PALS2: variants seen among roughly 807,000 people sequenced by gnomAD.
The protein encoded by PALS2 is protein associated with LIN7 2, MAGUK p55 family member.
Under a neutral mutation model 61.6 loss-of-function variants are expected in PALS2, and 27 were observed. The ratio of observed to expected loss-of-function variants is 0.44; its 90% CI spans 0.32 to 0.60. The LOEUF is 0.60. Among genes scored for constraint, PALS2 ranks in the 20% least tolerant of loss-of-function variants. The pLI is 0.05. For synonymous variants in PALS2, 236 were observed against 218.6 expected (o/e 1.08, Z -0.70); for missense variants, 554 against 639.4 (o/e 0.87, Z 1.44).
chr7:24,674,054 GA>G (rs1787439801), intron 9 of PALS2, among the ~76,000 whole-genome samples: 1 of 151,976 alleles, frequency 6.6e-6, no homozygotes, highest in African/African-American at 2.4e-5. Context: ...GATGGCTACA[GA>G]GACTTTAAAA....
At chr7:24,584,221 C>A (rs1782965706) in intron 1 of PALS2, among the ~76,000 whole-genome samples, 1 of 131,090 alleles carries the variant, frequency 7.6e-6, no homozygotes, top group African/African-American at 2.9e-5. Context: ...GTTCTAGATC[C>A]CTGAGGAATC....
At chr7:24,589,585 A>G (rs1004356823) in intron 1 of PALS2, among the ~76,000 whole-genome samples, 5 of 152,186 alleles carry the variant, frequency 3.3e-5, no homozygotes, top group African/African-American at 1.2e-4. Context: ...AGGGCAGTCA[A>G]ATGCATTTCT....
intron 1 of PALS2, among the ~76,000 whole-genome samples, chr7:24,587,139 A>T (rs1025114559): frequency 8.6e-5 from 13 of 151,826 alleles, no homozygotes; most frequent in Admixed American, 2.0e-4. Context: ...ATACTAAAGG[A>T]TGGAAAAGTT....
chr7:24,680,023 G>A (rs1787835241), intron 10 of PALS2, among the ~76,000 whole-genome samples: 1 of 151,938 alleles, frequency 6.6e-6, no homozygotes, highest in Non-Finnish European at 1.5e-5. Flanking sequence ...CTTTGTAATT[G>A]CTATATAGTA....
intron 2 of PALS2, among the ~76,000 whole-genome samples, chr7:24,638,080 A>G (rs2128068288): frequency 6.6e-6 from 1 of 151,804 alleles, no homozygotes; most frequent in South Asian, 2.1e-4. Context: ...TTAAGTTGGT[A>G]CTTGCCTCTT....
intron 1 of PALS2, among the ~76,000 whole-genome samples, chr7:24,583,586 T>A (rs1234082450): frequency 6.6e-6 from 1 of 151,434 alleles, no homozygotes; most frequent in Non-Finnish European, 1.5e-5. Context: ...TGGTTATAAA[T>A]CCTAGGAGGC....
intron 6 of PALS2, among the ~76,000 whole-genome samples, chr7:24,664,877 TCA>T (rs1786934741): frequency 6.6e-6 from 1 of 152,118 alleles, no homozygotes. Context: ...CACCATTCTC[TCA>T]GTTTCTCCCT....
intron 11 of PALS2, among the ~76,000 whole-genome samples, chr7:24,683,324 G>A (rs1788029941): frequency 6.6e-6 from 1 of 152,164 alleles, no homozygotes; most frequent in African/African-American, 2.4e-5. Flanking sequence ...TCAGCTTTCA[G>A]AATAATGAGT....
At chr7:24,644,407 C>T (rs891580121) in intron 3 of PALS2, among the ~76,000 whole-genome samples, 2 of 152,146 alleles carry the variant, frequency 1.3e-5, no homozygotes, top group African/African-American at 4.8e-5. Context: ...TAGCCTCCAG[C>T]TCCATTCATG....
chr7:24,596,947 A>G lies in PALS2; in HGVS notation c.-3+23354A>G, dbSNP rs1783546575. ...GATTACTTTGAGACTTTTATGAAGT[A>G]GAATGAAAAGATTTGAAGAAGAATT... On this transcript the variant is annotated intron_variant, in intron 1 of 11. Coordinates refer to ENST00000222644, the MANE Select transcript of PALS2 (RefSeq NM_001303037.2). The surrounding 1 kb of genome is among the most constrained non-coding windows in gnomAD (Gnocchi z 4.5). Among the ~76,000 whole-genome samples, 1 of 152,198 alleles carries G rather than the reference A, an allele frequency of 6.6e-6. No homozygotes were observed.
intron 9 of PALS2, 143 bp downstream of exon 9, chr7:24,668,803 T>C (rs1311173946): frequency 9.7e-7 from 1 of 1,025,750 alleles, no homozygotes; most frequent in Non-Finnish European, 1.4e-6. Context: ...GTAAAAGACA[T>C]TGAAAAATTT....
intron 1 of PALS2, among the ~76,000 whole-genome samples, chr7:24,597,413 C>A (rs930014345): frequency 6.6e-6 from 1 of 151,932 alleles, no homozygotes; most frequent in Non-Finnish European, 1.5e-5. Flanking sequence ...TGAGATGGCA[C>A]GGGTGGAGAA....
chr7:24,594,962 G>C (rs184729806), intron 1 of PALS2, among the ~76,000 whole-genome samples: 2 of 152,200 alleles, frequency 1.3e-5, no homozygotes, highest in African/African-American at 4.8e-5. Context: ...CAATAGACTT[G>C]ATCAATGTGG....
intron 1 of PALS2, among the ~76,000 whole-genome samples, chr7:24,590,283 C>T (rs778139837): frequency 6.6e-6 from 1 of 152,056 alleles, no homozygotes; most frequent in African/African-American, 2.4e-5. Flanking sequence ...AGCTACCTGT[C>T]TTTTTGTTAC....
intron 1 of PALS2, among the ~76,000 whole-genome samples, chr7:24,593,288 C>T (rs1783370406): frequency 6.6e-6 from 1 of 152,050 alleles, no homozygotes; most frequent in South Asian, 2.1e-4. Flanking sequence ...TTACTTTTTC[C>T]ACCACATCTG....
chr7:24,644,232 A>G (rs1334675293), intron 3 of PALS2, among the ~76,000 whole-genome samples: 2 of 151,362 alleles, frequency 1.3e-5, no homozygotes, highest in Non-Finnish European at 2.9e-5. Context: ...CCCAATAGTT[A>G]TCTTGTCTGT....
intron 5 of PALS2, among the ~76,000 whole-genome samples, chr7:24,660,647 G>C (rs1449840202): frequency 6.6e-6 from 1 of 152,052 alleles, no homozygotes; most frequent in Non-Finnish European, 1.5e-5. Context: ...CAATTAGGTT[G>C]CTTCCAATCT....
intron 1 of PALS2, among the ~76,000 whole-genome samples, chr7:24,598,541 G>T (rs1279112409): frequency 6.6e-6 from 1 of 152,138 alleles, no homozygotes; most frequent in Non-Finnish European, 1.5e-5. Flanking sequence ...GATTGCCTAA[G>T]TTTCTTATAA....
chr7:24,595,712 T>C (rs556861388), intron 1 of PALS2, among the ~76,000 whole-genome samples: 1 of 150,448 alleles, frequency 6.6e-6, no homozygotes, highest in Admixed American at 6.7e-5. Flanking sequence ...ATGAGTACTG[T>C]GATGAAAATG....
Sources: gnomAD v4.1 joint callset for allele counts (sites outside exome capture counted in the v4.1 genomes callset) on GRCh38, gnomAD v4.1.1 for gene constraint, Gnocchi (gnomAD v3.1) non-coding constraint, MANE v1.5 for transcripts, NCBI Gene and HGNC (gene_info 2026-07-23, HGNC 2026-07-21) for gene names.